Variants in RAPGEF2 observed in about 807,000 individuals in gnomAD.
RAPGEF2 encodes PDZ domain containing guanine nucleotide exchange factor (GEF) 1.
RAPGEF2 carries 54 observed loss-of-function variants against 186.7 expected under a neutral mutation model. The observed-to-expected ratio is 0.29, with a 90% CI of 0.23 to 0.36. The LOEUF (loss-of-function observed/expected upper bound fraction) is 0.36, where lower values mean the gene tolerates loss of function less well. Among genes scored for constraint, RAPGEF2 ranks in the 10% least tolerant of loss-of-function variants. The probability of loss-of-function intolerance (pLI) is 1.00; values close to 1 mark genes in which losing one functional copy is unlikely to be tolerated. For synonymous variants in RAPGEF2, 712 were observed against 705.9 expected, an observed-to-expected ratio of 1.01 and a Z score of -0.14; for missense variants, 1,532 against 2,045.0, an observed-to-expected ratio of 0.75 and a Z score of 4.84.
intron 2 of RAPGEF2, 54 bp downstream of exon 2, chr4:159,186,766 T>C (rs10014197): frequency 0.4 from 386,333 of 957,440 alleles, 80,964 homozygotes; most frequent in African/African-American, 0.6. Context: ...TTGAAGCATG[T>C]AACAATTTAA....
Position 159,345,121 on chromosome 4 carries a change from T to G in RAPGEF2, c.3294T>G (p.Gly1098=). ...KWRSLGSLSQ[G]STNATVLDVA... ...CATCTTCCAGGTCTCTCAGCCAGGG[T>G]AGTACAAATGCAACAGTGCTAGATG... The change falls in exon 24 of 30, where the codon GGT becomes GGG. Residue 1098 remains glycine, a synonymous_variant. Coordinates refer to ENST00000691494, the MANE Select transcript of RAPGEF2 (RefSeq NM_001394067.2). 1.2e-6 allele frequency: 2 copies of G among 1,613,902 alleles called. No individual in the cohort carries two copies. The highest frequency in any genetic ancestry group is 1.7e-6 in the Non-Finnish European group (2 of 1,179,864).
intron 7 of RAPGEF2, among the ~76,000 whole-genome samples, chr4:159,269,062 G>A (rs966519398): frequency 3.9e-5 from 6 of 152,300 alleles, no homozygotes; most frequent in African/African-American, 1.2e-4. Context: ...GGTTATTAAA[G>A]TATAGGAATT....
intron 10 of RAPGEF2, among the ~76,000 whole-genome samples, chr4:159,322,803 T>C (rs576513563): frequency 3.9e-5 from 6 of 152,170 alleles, no homozygotes; most frequent in African/African-American, 1.2e-4. Flanking sequence ...ATGAGGAAGA[T>C]ACAAAAGCAG....
chr4:159,331,976 T>A lies in RAPGEF2; in HGVS notation c.1830T>A (p.Ala610=). 6.2e-7 allele frequency: 1 copy of A among 1,609,914 alleles called. No individual in the cohort carries two copies. The highest frequency in any genetic ancestry group is 8.5e-7 in the Non-Finnish European group (1 of 1,178,814). Residue 610 remains alanine (A), a synonymous_variant, in exon 16 of 30, where the codon GCT becomes GCA. Coordinates refer to ENST00000691494, the MANE Select transcript of RAPGEF2 (RefSeq NM_001394067.2). ...QNFENIQLSK[A]MEILRNNTHL... ...TTGAAAACATTCAGCTGTCAAAAGC[T>A]ATGGAAATTCTTAGAAATAACACAC...
intron 7 of RAPGEF2, among the ~76,000 whole-genome samples, chr4:159,276,834 A>G (rs1758945052): frequency 7.2e-6 from 1 of 139,556 alleles, no homozygotes; most frequent in Non-Finnish European, 1.6e-5. Flanking sequence ...TAGTGATATT[A>G]AGAAGTTTTT....
intron 1 of RAPGEF2, among the ~76,000 whole-genome samples, chr4:159,152,801 A>G (rs1743704282): frequency 6.6e-6 from 1 of 152,062 alleles, no homozygotes; most frequent in South Asian, 2.1e-4. Flanking sequence ...TTGTATTTTT[A>G]GTAGAGACGG....
intron 7 of RAPGEF2, among the ~76,000 whole-genome samples, chr4:159,250,199 A>G (rs536806702): frequency 7.2e-5 from 11 of 152,306 alleles, no homozygotes; most frequent in Admixed American, 7.2e-4. Flanking sequence ...AAGACAGAAG[A>G]CAACATATAT....
At chr4:159,118,118 CCAT>C (rs1739251671) in intron 1 of RAPGEF2, among the ~76,000 whole-genome samples, 1 of 152,128 alleles carries the variant, frequency 6.6e-6, no homozygotes, top group Non-Finnish European at 1.5e-5. Flanking sequence ...AGGAACCAGG[CCAT>C]ACAGCAGGAA....
At position 159,353,842 on chromosome 4, in the gene RAPGEF2, T is replaced by A. The variant is rs891701369; in HGVS notation, c.4447T>A (p.Ser1483Thr). Residue 1483 changes from serine (S) to threonine (T), a missense_variant, in exon 28 of 30, where the codon TCC becomes ACC. Physicochemically the swap from Ser to Thr is moderately conservative, Grantham distance 58. Transcript: ENST00000691494. The surrounding 1 kb of genome is among the most constrained non-coding windows in gnomAD (Gnocchi z 4.3). ...TAGAGAGAGCCTTGAACAAGCCCAGTCCCGAGCAAGCTGGGCGTCTTCCAC... is the reference window on the plus strand; with the variant it reads ...TAGAGAGAGCCTTGAACAAGCCCAGACCCGAGCAAGCTGGGCGTCTTCCAC... The part of the protein sequence containing the change: ...QSRESLEQAQ[S>T]RASWASSTGY... 4 of 1,614,234 alleles carry A rather than the reference T, an allele frequency of 2.5e-6. No individual in the cohort carries two copies. The highest frequency in any genetic ancestry group is 3.4e-6 in the Non-Finnish European group (4 of 1,180,016).
At chr4:159,323,389 A>C (rs1561279651) in intron 10 of RAPGEF2, 70 bp from the exon 11 acceptor site, 2 of 1,277,936 alleles carry the variant, frequency 1.6e-6, no homozygotes, top group Non-Finnish European at 2.1e-6. Context: ...ATTTTTAGGG[A>C]CCATACTGGC....
intron 1 of RAPGEF2, among the ~76,000 whole-genome samples, chr4:159,104,527 G>GGAGA (rs1560964835): frequency 1.1e-5 from 1 of 88,444 alleles, no homozygotes; most frequent in African/African-American, 4.5e-5. Context: ...AGAGAGAGAG[G>GGAGA]GAGAGACAGA....
intron 27 of RAPGEF2, 80 bp downstream of exon 27, chr4:159,352,990 G>T: frequency 1.3e-5 from 17 of 1,286,462 alleles, no homozygotes; most frequent in East Asian, 1.0e-4. Context: ...TCCAGTGTTT[G>T]TTTTTATTTA....
intron 11 of RAPGEF2, chr4:159,328,780 G>A (rs906322422): frequency 6.6e-6 from 1 of 152,190 alleles, no homozygotes; most frequent in African/African-American, 2.4e-5. Context: ...GTTTGATTAG[G>A]AGGATGAATT....
chr4:159,134,295 A>G (rs1223312458), intron 1 of RAPGEF2, among the ~76,000 whole-genome samples: 1 of 152,184 alleles, frequency 6.6e-6, no homozygotes. Flanking sequence ...ATTCAGCCAT[A>G]GTGTTGTATG....
intron 1 of RAPGEF2, among the ~76,000 whole-genome samples, chr4:159,147,771 C>A (rs1743099949): frequency 6.6e-6 from 1 of 152,198 alleles, no homozygotes; most frequent in South Asian, 2.1e-4. Flanking sequence ...TTGCTTTCTC[C>A]TTACTAGGTG....
chr4:159,267,906 G>C, intron 7 of RAPGEF2: 3 of 1,224,098 alleles, frequency 2.5e-6, no homozygotes, highest in Non-Finnish European at 3.1e-6. Context: ...TCTTGTCATA[G>C]CCTAGGATGG....
In RAPGEF2 at chr4:159,267,447, C is replaced by T. The variant is rs960853843; in HGVS notation, c.543+23656C>T. Reference sequence around the variant, plus strand: ...GCTTGTGTTGAGTGTGAGGGACAGACATCATTAAATTAAATGTCCATCAGT... The same window carrying T: ...GCTTGTGTTGAGTGTGAGGGACAGATATCATTAAATTAAATGTCCATCAGT... On this transcript the variant is annotated intron_variant, in intron 7 of 29. Transcript: ENST00000691494. The T allele has an allele frequency of 3.0e-5, 23 of 757,856 alleles. No individual in the cohort carries two copies. In the Admixed American group the frequency reaches 5.8e-4, roughly 19 times the overall value. 46.9% of individuals were successfully genotyped at this position (757,856 alleles called of 1,614,324 possible).
intron 1 of RAPGEF2, among the ~76,000 whole-genome samples, chr4:159,171,662 A>T (rs1242397337): frequency 6.7e-6 from 1 of 148,666 alleles, no homozygotes; most frequent in Non-Finnish European, 1.5e-5. Context: ...GATATCTTTC[A>T]TGTAAAAGGA....
chr4:159,289,465 G>A (rs116382816), intron 7 of RAPGEF2, among the ~76,000 whole-genome samples: 1,666 of 152,224 alleles, frequency 0.011, 35 homozygotes, highest in African/African-American at 0.038. Context: ...ACCTATAATT[G>A]CTGATGGAAG....
Sources: allele counts gnomAD v4.1 joint callset (sites outside exome capture counted in the v4.1 genomes callset), GRCh38; gene constraint gnomAD v4.1.1; non-coding constraint Gnocchi (gnomAD v3.1); transcripts MANE v1.5; gene names NCBI Gene and HGNC (gene_info 2026-07-23, HGNC 2026-07-21).